Variants in PTP4A2 observed in about 807,000 individuals in gnomAD.
PTP4A2 encodes the protein protein tyrosine phosphatase type IVA 2.
In PTP4A2, 2 loss-of-function variants were observed where a neutral mutation model predicts 22.9. The ratio of observed to expected loss-of-function variants is 0.09; its 90% CI spans 0.04 to 0.27. PTP4A2 has a LOEUF of 0.27. Among genes scored for constraint, PTP4A2 ranks in the 10% least tolerant of loss-of-function variants. The pLI is 1.00. For synonymous variants in PTP4A2, 68 were observed against 69.1 expected (o/e 0.98, Z 0.08); for missense variants, 103 against 205.1 (o/e 0.50, Z 3.04).
chr1:31,935,539 T>G (rs1475013172), intron 1 of PTP4A2: 1 of 152,226 alleles, frequency 6.6e-6, no homozygotes, highest in African/African-American at 2.4e-5. Context: ...ACCTGGATTT[T>G]TAATCCAGCA....
At chr1:31,923,556 G>A (rs957829187) in intron 1 of PTP4A2, among the ~76,000 whole-genome samples, 15 of 150,936 alleles carry the variant, frequency 9.9e-5, no homozygotes, top group South Asian at 2.1e-4. Context: ...GGATGGTCTC[G>A]ATCTCCTGAC....
At chr1:31,915,828 A>ATAATATTTAT in intron 3 of PTP4A2, 67 bp downstream of exon 3, 1 of 1,081,500 alleles carries the variant, frequency 9.2e-7, no homozygotes, top group Non-Finnish European at 1.4e-6. Context: ...CACCTGGCCT[A>ATAATATTTAT]GTTTTATAAA....
Position 31,920,536 on chromosome 1 carries a change from CTT to C in PTP4A2, c.-593-880_-593-879del, listed in dbSNP as rs35696767. 5.2e-3 allele frequency among the ~76,000 whole-genome samples: 674 copies of C among 130,164 alleles called. 6 individuals are homozygous for C. Among genetic ancestry groups the C allele is most frequent in the African/African-American group, 0.016 (536 of 34,294 alleles). The allele number at this position is 130,164 out of a possible 152,430, so 85.4% of individuals were successfully genotyped here. On this transcript the variant is annotated intron_variant, in intron 1 of 5. Transcript: ENST00000647444. ...ACTAGATACTTAAAACTTCCATGAACTTTTTTTTTTTTTTTTTTTGAGACGGA... is the reference window on the plus strand; with the variant it reads ...ACTAGATACTTAAAACTTCCATGAACTTTTTTTTTTTTTTTTTGAGACGGA...
At chr1:31,928,652 G>A (rs1448249975) in intron 1 of PTP4A2, among the ~76,000 whole-genome samples, 6 of 145,294 alleles carry the variant, frequency 4.1e-5, no homozygotes, top group African/African-American at 1.0e-4. Context: ...AGCCAAGATC[G>A]TGCCACTGTA....
rs72890907 is a variant in PTP4A2 at position 31,915,794 on chromosome 1, T to A, written c.189+101A>T. 4,687 of 733,908 alleles carry A rather than the reference T, an allele frequency of 6.4e-3. 165 individuals carry two copies. In the African/African-American group the frequency reaches 0.076, roughly 12 times the overall value. The allele number at this position is 733,908 out of a possible 1,614,324, so 45.5% of individuals were successfully genotyped here. ...GGTTCAAGTGATCTTCCCACAATATTGGGATTATAGGTGTGAGCCAGTGCA... is the reference window on the plus strand; with the variant it reads ...GGTTCAAGTGATCTTCCCACAATATAGGGATTATAGGTGTGAGCCAGTGCA... On this transcript the variant is annotated intron_variant, in intron 3 of 5. Transcript: ENST00000647444.
At chr1:31,934,745 G>C (rs1008879819) in intron 1 of PTP4A2, among the ~76,000 whole-genome samples, 1 of 152,028 alleles carries the variant, frequency 6.6e-6, no homozygotes, top group African/African-American at 2.4e-5. Context: ...GTTTTTTAAA[G>C]CTATACACAA....
intron 1 of PTP4A2, among the ~76,000 whole-genome samples, chr1:31,923,218 C>G (rs1438384903): frequency 6.6e-6 from 1 of 150,414 alleles, no homozygotes. Context: ...CTCTTCTTTT[C>G]TTTTCAGAGA....
rs533220277 is a variant in PTP4A2 at position 31,931,470 on chromosome 1, GA to G, written c.-594+6516del. On this transcript the variant is annotated intron_variant, in intron 1 of 5. Coordinates refer to ENST00000647444, the MANE Select transcript of PTP4A2 (RefSeq NM_080391.4). ...AAGAGAGCAACTCTTTGCTCACTGA[GA>G]AAAAGAGCAAATATTGCCATATTTA... Among the ~76,000 whole-genome samples the G allele has an allele frequency of 4.1e-4, 62 of 152,280 alleles. No individual in the cohort carries two copies. In the South Asian group the frequency reaches 0.013, roughly 31 times the overall value.
intron 3 of PTP4A2, among the ~76,000 whole-genome samples, chr1:31,912,119 G>C (rs1192909722): frequency 5.3e-5 from 8 of 152,118 alleles, no homozygotes; most frequent in African/African-American, 1.9e-4. Context: ...AATGATATCT[G>C]AATAGAGTAG....
intron 5 of PTP4A2, 60 bp from the exon 6 acceptor site, chr1:31,909,020 A>G: frequency 8.2e-7 from 1 of 1,221,686 alleles, no homozygotes; most frequent in South Asian, 1.2e-5. Flanking sequence ...GATTCACTGA[A>G]ATGCATTATT....
At chr1:31,931,511 TCTA>T (rs1032618483) in intron 1 of PTP4A2, among the ~76,000 whole-genome samples, 1 of 152,212 alleles carries the variant, frequency 6.6e-6, no homozygotes, top group Non-Finnish European at 1.5e-5. Flanking sequence ...CCTCCCCTGA[TCTA>T]CTGAGCAAGC....
chr1:31,937,100 G>A (rs1293021979), intron 1 of PTP4A2, among the ~76,000 whole-genome samples: 1 of 152,178 alleles, frequency 6.6e-6, no homozygotes, highest in East Asian at 1.9e-4. Flanking sequence ...AGGCCAGAGT[G>A]TAGGATTTTG....
At chr1:31,930,074 C>A (rs938175196) in intron 1 of PTP4A2, among the ~76,000 whole-genome samples, 1 of 152,102 alleles carries the variant, frequency 6.6e-6, no homozygotes, top group Admixed American at 6.6e-5. Context: ...CGTGGTGGCT[C>A]ACGCCTGTAA....
chr1:31,921,008 G>A (rs1211034417), intron 1 of PTP4A2, among the ~76,000 whole-genome samples: 1 of 152,018 alleles, frequency 6.6e-6, no homozygotes, highest in African/African-American at 2.4e-5. Context: ...TATATGTGTT[G>A]GCCCTCAATG....
Position 31,910,029 on chromosome 1 carries a change from C to A in PTP4A2, c.395+9G>T. 2 of 1,602,246 alleles carry A rather than the reference C, an allele frequency of 1.2e-6. No individual in the cohort carries two copies. Among genetic ancestry groups the A allele is most frequent in the Non-Finnish European group, 1.7e-6 (2 of 1,170,352 alleles). Reference sequence around the variant, plus strand: ...TCTGTGTTTCTGAACACAAAAACTTCATACTCACTGTCTTATAAACTGAAC... The same window carrying A: ...TCTGTGTTTCTGAACACAAAAACTTAATACTCACTGTCTTATAAACTGAAC... On this transcript the variant is annotated intron_variant, in intron 5 of 5. Transcript: ENST00000647444.
At chr1:31,923,697 A>G (rs1326080248) in intron 1 of PTP4A2, among the ~76,000 whole-genome samples, 1 of 151,782 alleles carries the variant, frequency 6.6e-6, no homozygotes, top group African/African-American at 2.4e-5. Flanking sequence ...TAATATTTTT[A>G]AAGTATTTTT....
intron 1 of PTP4A2, chr1:31,932,785 C>T (rs1652776042): frequency 6.6e-6 from 1 of 152,174 alleles, no homozygotes; most frequent in Non-Finnish European, 1.5e-5. Flanking sequence ...TGAGCCTAGA[C>T]CTCTACCACT....
At chr1:31,925,287 G>T (rs1482523377) in intron 1 of PTP4A2, among the ~76,000 whole-genome samples, 1 of 152,106 alleles carries the variant, frequency 6.6e-6, no homozygotes, top group Non-Finnish European at 1.5e-5. Context: ...ATCAAACTAC[G>T]TTCTTAACAG....
chr1:31,910,236 T>A, intron 4 of PTP4A2, 124 bp from the exon 5 acceptor site: 1 of 677,710 alleles, frequency 1.5e-6, no homozygotes, highest in Non-Finnish European at 2.5e-6. Context: ...CTAAAGTAGC[T>A]GGTATCTGCC....
Sources: allele counts gnomAD v4.1 joint callset (sites outside exome capture counted in the v4.1 genomes callset), GRCh38; gene constraint gnomAD v4.1.1; transcripts MANE v1.5; gene names NCBI Gene and HGNC (gene_info 2026-07-23, HGNC 2026-07-21).